PLXNA4: variants seen among roughly 807,000 people sequenced by gnomAD.
The protein encoded by PLXNA4 is plexin-A4.
PLXNA4 carries 44 observed loss-of-function variants against 191.8 expected under a neutral mutation model. The observed-to-expected ratio is 0.23, with a 90% CI of 0.18 to 0.29. The LOEUF is 0.29. Among genes scored for constraint, PLXNA4 ranks in the 10% least tolerant of loss-of-function variants. PLXNA4 has a pLI of 1.00. For synonymous variants in PLXNA4, 1,082 were observed against 1,009.5 expected (o/e 1.07, Z -1.36); for missense variants, 1,800 against 2,488.8 (o/e 0.72, Z 5.89).
intron 3 of PLXNA4, among the ~76,000 whole-genome samples, chr7:132,438,949 G>A (rs1795582370): frequency 6.6e-6 from 1 of 152,158 alleles, no homozygotes; most frequent in Admixed American, 6.5e-5. Flanking sequence ...AACCCACATT[G>A]AGATGAACTG....
intron 4 of PLXNA4, among the ~76,000 whole-genome samples, chr7:132,291,329 C>T (rs991926341): frequency 2.6e-5 from 4 of 152,236 alleles, no homozygotes; most frequent in African/African-American, 9.6e-5. Context: ...ACTCTTCTGG[C>T]CATCACCTTA....
chr7:132,272,737 G>A (rs560278849), intron 4 of PLXNA4, among the ~76,000 whole-genome samples: 3 of 152,278 alleles, frequency 2.0e-5, no homozygotes, highest in East Asian at 3.9e-4. Flanking sequence ...ACACAGTAAT[G>A]TTTCAAAGTT....
intron 3 of PLXNA4, among the ~76,000 whole-genome samples, chr7:132,352,994 AT>A (rs1563052509): frequency 6.6e-6 from 1 of 152,198 alleles, no homozygotes; most frequent in East Asian, 1.9e-4. Context: ...TGAAAAAAAA[AT>A]CCCAAATTCC....
At chr7:132,440,381 C>T (rs1052795561) in intron 3 of PLXNA4, among the ~76,000 whole-genome samples, 7 of 152,226 alleles carry the variant, frequency 4.6e-5, no homozygotes, top group African/African-American at 1.2e-4. Context: ...CACCCAGCCC[C>T]GTCTGCCTTC....
At chr7:132,326,917 AGAGG>A (rs912999194) in intron 3 of PLXNA4, among the ~76,000 whole-genome samples, 1 of 140,802 alleles carries the variant, frequency 7.1e-6, no homozygotes, top group African/African-American at 2.5e-5. Context: ...GGGGAAAGGA[AGAGG>A]GAGGGAGGGA....
intron 5 of PLXNA4, among the ~76,000 whole-genome samples, chr7:132,234,596 T>TTGTGTGTGTG (rs60249306): frequency 0.029 from 4,167 of 144,184 alleles, 123 homozygotes; most frequent in South Asian, 0.077. Flanking sequence ...AGCATGTGTT[T>TTGTGTGTGTG]TGTGTGTGTG....
chr7:132,237,012 G>A (rs920094356), intron 5 of PLXNA4, among the ~76,000 whole-genome samples: 3 of 152,180 alleles, frequency 2.0e-5, no homozygotes, highest in Non-Finnish European at 4.4e-5. Flanking sequence ...GGGAAGAAAG[G>A]CCCACTGGGA....
In PLXNA4 at chr7:132,489,398, A is replaced by G; in HGVS notation, c.1265T>C (p.Ile422Thr). The G allele has an allele frequency of 6.2e-7, 1 of 1,606,466 alleles. No homozygotes were observed. The highest frequency in any genetic ancestry group is 8.5e-7 in the Non-Finnish European group (1 of 1,173,478). Residue 422 changes from isoleucine (I) to threonine (T), a missense_variant, in exon 3 of 32, where the codon ATT (isoleucine) becomes ACT (threonine). Coordinates refer to ENST00000321063, the MANE Select transcript of PLXNA4 (RefSeq NM_020911.2). ...GTCCCTGTCCTCCGTGAAGACGGGA[A>G]TTCCACGCACCATGTCGGACACTCC... ...PLGVSDMVRG[I>T]PVFTEDRDRM... is the part of the protein sequence containing the mutation.
chr7:132,175,908 A>G (rs1270040917), intron 20 of PLXNA4, among the ~76,000 whole-genome samples: 1 of 150,946 alleles, frequency 6.6e-6, no homozygotes, highest in African/African-American at 2.4e-5. Flanking sequence ...ATTTCTTTCT[A>G]TTTACATAAT....
intron 1 of PLXNA4, among the ~76,000 whole-genome samples, chr7:132,563,165 C>T (rs371992330): frequency 1.4e-5 from 1 of 73,574 alleles, no homozygotes; most frequent in Non-Finnish European, 3.0e-5. Flanking sequence ...TCCTCCTCCT[C>T]CTTCTCCTCC....
intron 4 of PLXNA4, among the ~76,000 whole-genome samples, chr7:132,258,283 T>C (rs1799502833): frequency 1.3e-5 from 2 of 152,264 alleles, no homozygotes; most frequent in African/African-American, 4.8e-5. Context: ...AAGGGTGGCA[T>C]TGGTGACACC....
chr7:132,637,366 C>T (rs575002527), intron 2 of PLXNA4, among the ~76,000 whole-genome samples: 75 of 152,324 alleles, frequency 4.9e-4, no homozygotes, highest in African/African-American at 1.6e-3. Context: ...TCACAGAGGA[C>T]TTGACAAAGA....
chr7:132,231,865 TG>T lies in PLXNA4; in HGVS notation c.1605-3397del, dbSNP rs1798534555. 2.0e-5 allele frequency among the ~76,000 whole-genome samples: 3 copies of T among 152,324 alleles called. No individual in the cohort carries two copies. The South Asian group carries it at 6.2e-4, about 32-fold the overall frequency. On this transcript the variant is annotated intron_variant, in intron 5 of 31. Transcript: ENST00000321063. ...GGGAGAAAAGAGCGAAAGAATGGTC[TG>T]GATCATAGCTCTGTTTTCTTACTAG...
At chr7:132,645,126 C>G (rs1378226480) in intron 2 of PLXNA4, among the ~76,000 whole-genome samples, 1 of 152,222 alleles carries the variant, frequency 6.6e-6, no homozygotes, top group Non-Finnish European at 1.5e-5. Context: ...CCATTAAGAA[C>G]CTACAATGTA....
chr7:132,457,917 T>G (rs1218759853), intron 3 of PLXNA4, among the ~76,000 whole-genome samples: 1 of 152,204 alleles, frequency 6.6e-6, no homozygotes, highest in Non-Finnish European at 1.5e-5. Flanking sequence ...CCAGCAGGAA[T>G]GTGGCCTTGT....
chr7:132,399,611 C>G (rs1216479782), intron 3 of PLXNA4, among the ~76,000 whole-genome samples: 4 of 152,156 alleles, frequency 2.6e-5, no homozygotes, highest in Non-Finnish European at 4.4e-5. Flanking sequence ...GCAGGCACAC[C>G]TGGGCAGGGC....
intron 3 of PLXNA4, 110 bp from the exon 4 acceptor site, chr7:132,298,332 C>T (rs1584959649): frequency 1.4e-6 from 2 of 1,381,260 alleles, no homozygotes; most frequent in Admixed American, 2.4e-5. Context: ...TGAGTTCTGT[C>T]TCCACAGTGC....
intron 15 of PLXNA4, 79 bp from the exon 16 acceptor site, chr7:132,185,542 G>A (rs771412822): frequency 4.2e-5 from 63 of 1,514,560 alleles, no homozygotes; most frequent in African/African-American, 3.9e-4. Context: ...CTCCCACACC[G>A]CTCCCTGCAT....
rs745925789 is a variant in PLXNA4 at position 132,507,767 on chromosome 7, C to A, written c.927G>T (p.Leu309=). 11 of 1,614,040 alleles carry A rather than the reference C, an allele frequency of 6.8e-6. No individual in the cohort carries two copies. The highest frequency in any genetic ancestry group is 9.3e-6 in the Non-Finnish European group (11 of 1,180,052). ...CTTTGGACAGGTAGGCAGCCTGCAG[C>A]AGGCGGTACTCCACCCCACTGCGCT... The part of the protein sequence containing the change: ...GCERSGVEYR[L]LQAAYLSKAG... Residue 309 remains leucine (L), a synonymous_variant, in exon 2 of 32, where the codon CTG becomes CTT. Transcript: ENST00000321063.
Sources: gnomAD v4.1 joint callset for allele counts (sites outside exome capture counted in the v4.1 genomes callset) on GRCh38, gnomAD v4.1.1 for gene constraint, MANE v1.5 for transcripts, NCBI Gene and HGNC (gene_info 2026-07-23, HGNC 2026-07-21) for gene names.